Variants in EFHB observed in about 807,000 individuals in gnomAD.
EFHB encodes EF-hand domain-containing family member B.
A neutral mutation model predicts 87.2 loss-of-function variants in EFHB; 91 were observed. The ratio of observed to expected loss-of-function variants is 1.04; its 90% CI spans 0.88 to 1.24. EFHB has a LOEUF of 1.24. EFHB is among the 50% of genes most tolerant of loss of function. The probability of loss-of-function intolerance (pLI) is 0.00; values close to 1 mark genes in which losing one functional copy is unlikely to be tolerated. For missense variants in EFHB, 1,084 were observed against 998.8 expected, an observed-to-expected ratio of 1.09 and a Z score of -1.15; for synonymous variants, 325 against 333.6, an observed-to-expected ratio of 0.97 and a Z score of 0.28.
chr3:19,920,146 G>A (rs972260090), intron 2 of EFHB, among the ~76,000 whole-genome samples, 170 bp from the exon 3 acceptor site: 1 of 152,064 alleles, frequency 6.6e-6, no homozygotes, highest in African/African-American at 2.4e-5. Flanking sequence ...ATTTATTAAT[G>A]AAAGTAAAAA....
intron 4 of EFHB, among the ~76,000 whole-genome samples, chr3:19,917,448 A>C (rs1474547468): frequency 6.6e-6 from 1 of 152,122 alleles, no homozygotes; most frequent in African/African-American, 2.4e-5. Flanking sequence ...TTCGGTGAAC[A>C]AAGCTAAGGT....
intron 5 of EFHB, among the ~76,000 whole-genome samples, chr3:19,908,590 GAGAGAGAGAGAAAGAAAGAA>G (rs1229034201): frequency 9.9e-5 from 11 of 111,244 alleles, no homozygotes; most frequent in Middle Eastern, 4.0e-3. Flanking sequence ...GAGAGAGAGA[GAGAGAGAGAGAAAGAAAGAA>G]AGAAAGAAAG....
Position 19,888,472 on chromosome 3 carries a change from T to A in EFHB, c.1905A>T (p.Lys635Asn). The A allele has an allele frequency of 6.4e-7, 1 of 1,564,056 alleles. No homozygotes were observed. The highest frequency in any genetic ancestry group is 8.7e-7 in the Non-Finnish European group (1 of 1,151,928). The change falls in exon 10 of 13, where the codon AAA (lysine) becomes AAT (asparagine). Residue 635 changes from lysine (K) to asparagine (N), a missense_variant. Physicochemically the swap from Lys to Asn is moderately conservative, Grantham distance 94. Coordinates refer to ENST00000295824, the MANE Select transcript of EFHB (RefSeq NM_144715.4). ...FLNWKDKMLL[K>N]EYEERVIIKG... Reference sequence around the variant, plus strand: ...TAATAATGACCCTCTCTTCATACTCTTTAAGAAGCATTTTGTCTTTCCAGT... The same window carrying A: ...TAATAATGACCCTCTCTTCATACTCATTAAGAAGCATTTTGTCTTTCCAGT...
intron 12 of EFHB, among the ~76,000 whole-genome samples, chr3:19,881,089 T>G (rs2071664757): frequency 6.6e-6 from 1 of 152,220 alleles, no homozygotes; most frequent in Non-Finnish European, 1.5e-5. Context: ...CAAATACAAA[T>G]CAAATTCTGA....
At chr3:19,924,743 C>A (rs1168781319) in intron 1 of EFHB, among the ~76,000 whole-genome samples, 6 of 152,240 alleles carry the variant, frequency 3.9e-5, no homozygotes, top group Non-Finnish European at 4.4e-5. Flanking sequence ...CTTGCCTGTG[C>A]AAGTCCTAGA....
chr3:19,879,781 AAT>A lies in EFHB; in HGVS notation c.2350_2351del (p.Ile784TrpfsTer6). 6.2e-7 allele frequency: 1 copy of A among 1,601,704 alleles called. No individual in the cohort carries two copies. Among genetic ancestry groups the A allele is most frequent in the Non-Finnish European group, 8.5e-7 (1 of 1,176,134 alleles). ...KEEIAEILCN[I>X]GVKLSDEEFE... The stretch of plus-strand genomic sequence containing the variant: ...ATTCTTCATCAGACAGTTTGACACC[AAT>A]GTTACACAATATCTCTGCAATCTAG... On this transcript the variant is annotated frameshift_variant, in exon 13 of 13. Coordinates refer to ENST00000295824, the MANE Select transcript of EFHB (RefSeq NM_144715.4). LOFTEE classifies it high-confidence loss of function.
chr3:19,892,889 T>TAAAATAAAATAAAATAATAAG (rs79080019), intron 9 of EFHB, among the ~76,000 whole-genome samples: 5,703 of 147,800 alleles, frequency 0.039, 362 homozygotes, highest in African/African-American at 0.12. Context: ...AATAAAATAA[T>TAAAATAAAATAAAATAATAAG]ATAAAATCAG....
chr3:19,921,591 G>A (rs549780253), intron 1 of EFHB, among the ~76,000 whole-genome samples: 3 of 151,930 alleles, frequency 2.0e-5, no homozygotes, highest in Non-Finnish European at 4.4e-5. Context: ...AGGCTGGGGG[G>A]GCCAAGATGG....
At chr3:19,934,336 CTT>C, upstream of EFHB, 1 of 1,064,536 alleles carries the variant, frequency 9.4e-7, no homozygotes, top group Non-Finnish European at 1.2e-6. Context: ...TCTCTCCCCT[CTT>C]CTCTCTCCTC....
chr3:19,894,528 T>C (rs1694408084), intron 9 of EFHB: 1 of 152,116 alleles, frequency 6.6e-6, no homozygotes, highest in Non-Finnish European at 1.5e-5. Flanking sequence ...CTGTTGTGTT[T>C]GTGTTTTGTT....
Position 19,920,558 on chromosome 3 carries a change from CT to C in EFHB, c.798del (p.Val267LeufsTer12). On this transcript the variant is annotated frameshift_variant, in exon 2 of 13. Coordinates refer to ENST00000295824, the MANE Select transcript of EFHB (RefSeq NM_144715.4). LOFTEE classifies it high-confidence loss of function. The part of the protein sequence containing the change: ...DRTPCWPSAG[K>X]VIPVGYRVAT... ...GCAACTCTGTAACCAACTGGAATAACTTTTCCTGCCTTTGGGGGAAAAAAAT... is the reference window on the plus strand; with the variant it reads ...GCAACTCTGTAACCAACTGGAATAACTTTCCTGCCTTTGGGGGAAAAAAAT... The C allele has an allele frequency of 6.3e-7, 1 of 1,596,128 alleles. No individual in the cohort carries two copies. Among genetic ancestry groups the C allele is most frequent in the Non-Finnish European group, 8.5e-7 (1 of 1,173,474 alleles).
chr3:19,924,939 A>C (rs913370607), intron 1 of EFHB, among the ~76,000 whole-genome samples: 3 of 152,124 alleles, frequency 2.0e-5, no homozygotes, highest in African/African-American at 4.8e-5. Context: ...TACCGCTTCT[A>C]AGCTCTCTTA....
intron 8 of EFHB, 47 bp from the exon 9 acceptor site, chr3:19,896,888 AT>A: frequency 6.8e-7 from 1 of 1,476,466 alleles, no homozygotes; most frequent in Non-Finnish European, 9.0e-7. Flanking sequence ...AAGTCTTTCT[AT>A]ATTATTTCTA....
chr3:19,889,182 A>G lies in EFHB; in HGVS notation c.1726-531T>C, dbSNP rs369897059. Among the ~76,000 whole-genome samples, 7 of 152,332 alleles carry G rather than the reference A, an allele frequency of 4.6e-5. No homozygotes were observed. In the South Asian group the frequency reaches 1.5e-3, roughly 32 times the overall value. On this transcript the variant is annotated intron_variant, in intron 9 of 12. Coordinates refer to ENST00000295824, the MANE Select transcript of EFHB (RefSeq NM_144715.4). The stretch of plus-strand genomic sequence containing the variant: ...TCACCTCCTTTCAGACAGCAGTTAA[A>G]GACAGAAGTACCTACACTGAGTATG...
chr3:19,890,602 C>T (rs990441494), intron 9 of EFHB, among the ~76,000 whole-genome samples: 1 of 152,132 alleles, frequency 6.6e-6, no homozygotes, highest in Non-Finnish European at 1.5e-5. Flanking sequence ...TCATATGTGA[C>T]AGAGGGGATT....
At chr3:19,900,783 G>T (rs1575009942) in intron 6 of EFHB, among the ~76,000 whole-genome samples, 1 of 152,140 alleles carries the variant, frequency 6.6e-6, no homozygotes, top group East Asian at 1.9e-4. Context: ...ACAAAAATTA[G>T]CCAGGTGTGG....
Position 19,882,547 on chromosome 3 carries a change from T to C in EFHB, c.2328+3A>G. 6.3e-7 allele frequency: 1 copy of C among 1,592,884 alleles called. No individual in the cohort carries two copies. Among genetic ancestry groups the C allele is most frequent in the South Asian group, 1.1e-5 (1 of 87,278 alleles). ...TCCATTTTTGTATGCTTATATGCTA[T>C]ACCTCTTCTTTTGATCTGGTCTTGA... On this transcript the variant is annotated splice_donor_region_variant and intron_variant, in intron 12 of 12. Transcript: ENST00000295824.
At chr3:19,940,029 C>G (rs1333849953) in intron 1 of EFHB, among the ~76,000 whole-genome samples, 5 of 152,212 alleles carry the variant, frequency 3.3e-5, no homozygotes, top group Non-Finnish European at 1.5e-5. Context: ...CTCATGAAGA[C>G]TACTCAATTT....
chr3:19,935,310 A>AT (rs923069308), upstream of EFHB, among the ~76,000 whole-genome samples: 11 of 152,006 alleles, frequency 7.2e-5, no homozygotes, highest in South Asian at 2.1e-4. Flanking sequence ...TAAGTAGGAG[A>AT]TTTTTTTTTA....
Sources: allele counts gnomAD v4.1 joint callset (sites outside exome capture counted in the v4.1 genomes callset), GRCh38; gene constraint gnomAD v4.1.1; transcripts MANE v1.5; gene names NCBI Gene and HGNC (gene_info 2026-07-23, HGNC 2026-07-21).